SLC7A14: variants seen among roughly 807,000 people sequenced by gnomAD.
SLC7A14 encodes solute carrier family 7 member 14.
In SLC7A14, 37 loss-of-function variants were observed where a neutral mutation model predicts 60.2. The ratio of observed to expected loss-of-function variants is 0.61; its 90% CI spans 0.47 to 0.81. The LOEUF is 0.81. Ranked by LOEUF, SLC7A14 falls within the 30% of genes least tolerant of loss-of-function variation. The pLI is 0.00. For missense variants in SLC7A14, 886 were observed against 982.7 expected (o/e 0.90, Z 1.32); for synonymous variants, 399 against 395.8 (o/e 1.01, Z -0.10).
intron 1 of SLC7A14, among the ~76,000 whole-genome samples, chr3:170,533,343 T>C (rs993653226): frequency 6.6e-6 from 1 of 152,236 alleles, no homozygotes; most frequent in African/African-American, 2.4e-5. Flanking sequence ...TGAACTGTGA[T>C]GTGTGTCCCA....
Position 170,495,708 on chromosome 3 carries a change from C to T in SLC7A14, c.759+2959G>A, listed in dbSNP as rs909349636. 24 of 1,088,040 alleles carry T rather than the reference C, an allele frequency of 2.2e-5. No individual in the cohort carries two copies. In the Admixed American group the frequency reaches 4.1e-4, roughly 18 times the overall value. 67.4% of individuals were successfully genotyped at this position (1,088,040 alleles called of 1,614,324 possible). A position where few individuals can be genotyped will look rare whatever the true frequency, so the allele number is the denominator to read the frequency against. ...TCCCAATATCCAGGCCATGCACACCCAGGAGAAGGAGCAGATCAAGACCCT... is the reference window on the plus strand; with the variant it reads ...TCCCAATATCCAGGCCATGCACACCTAGGAGAAGGAGCAGATCAAGACCCT... On this transcript the variant is annotated intron_variant, in intron 4 of 7. Coordinates refer to ENST00000231706, the MANE Select transcript of SLC7A14 (RefSeq NM_020949.3).
chr3:170,576,640 C>T (rs1218354282), intron 1 of SLC7A14, among the ~76,000 whole-genome samples: 1 of 152,228 alleles, frequency 6.6e-6, no homozygotes, highest in Non-Finnish European at 1.5e-5. Flanking sequence ...AAAGTAAACG[C>T]TCTCTGTCTG....
rs547238802 is a variant in SLC7A14 at position 170,512,266 on chromosome 3, G to T, written c.305-10921C>A. 1.1e-4 allele frequency among the ~76,000 whole-genome samples: 17 copies of T among 152,310 alleles called. No homozygotes were observed. The East Asian group carries it at 3.1e-3, about 28-fold the overall frequency. On this transcript the variant is annotated intron_variant, in intron 2 of 7. Coordinates refer to ENST00000231706, the MANE Select transcript of SLC7A14 (RefSeq NM_020949.3). ...ACGTGGCCTCCCCAGCCCAGATGAGGAGCAGGTGAGATGGGGGTTCCACTG... is the reference window on the plus strand; with the variant it reads ...ACGTGGCCTCCCCAGCCCAGATGAGTAGCAGGTGAGATGGGGGTTCCACTG...
chr3:170,499,236 CAAAAAAAA>C (rs11336080), intron 3 of SLC7A14, among the ~76,000 whole-genome samples: 5 of 59,932 alleles, frequency 8.3e-5, no homozygotes, highest in African/African-American at 3.1e-4. Context: ...GACTCTGTCT[CAAAAAAAA>C]AAAAAAAAAA....
At chr3:170,562,469 A>G (rs1353076981) in intron 1 of SLC7A14, among the ~76,000 whole-genome samples, 1 of 141,566 alleles carries the variant, frequency 7.1e-6, no homozygotes, top group Non-Finnish European at 1.6e-5. Flanking sequence ...AAATGATTTC[A>G]TGGACTTTGG....
At chr3:170,548,752 C>G (rs1171106891) in intron 1 of SLC7A14, among the ~76,000 whole-genome samples, 1 of 152,252 alleles carries the variant, frequency 6.6e-6, no homozygotes, top group Non-Finnish European at 1.5e-5. Context: ...GCTGCTCTGA[C>G]TAACCCTTCA....
intron 1 of SLC7A14, among the ~76,000 whole-genome samples, chr3:170,545,821 T>C (rs1247980330): frequency 6.6e-6 from 1 of 152,242 alleles, no homozygotes; most frequent in Non-Finnish European, 1.5e-5. Context: ...CTTGGGAGAC[T>C]GTCACTTTTT....
chr3:170,563,566 C>T (rs1190177127), intron 1 of SLC7A14, among the ~76,000 whole-genome samples: 4 of 151,906 alleles, frequency 2.6e-5, no homozygotes, highest in African/African-American at 9.7e-5. Flanking sequence ...TACAGGCACC[C>T]ACCATCATGC....
rs1739633490 is a variant in SLC7A14, at chr3:170,462,760, A to G, written c.*4295T>C. On this transcript the variant is annotated 3_prime_UTR_variant, in exon 8 of 8. Coordinates refer to ENST00000231706, the MANE Select transcript of SLC7A14 (RefSeq NM_020949.3). ...AAAAAAAGTAGCACTCAAGCTCAGT[A>G]AAACCTGGAGCTGAGATTTTACTGT... 1.3e-5 allele frequency: 2 copies of G among 152,200 alleles called. No individual in the cohort carries two copies. Among genetic ancestry groups the G allele is most frequent in the African/African-American group, 4.8e-5 (2 of 41,536 alleles). The allele number at this position is 152,200 out of a possible 1,614,324, so 9.4% of individuals were successfully genotyped here.
intron 1 of SLC7A14, among the ~76,000 whole-genome samples, chr3:170,569,443 G>T (rs1714882157): frequency 6.6e-6 from 1 of 151,948 alleles, no homozygotes; most frequent in Non-Finnish European, 1.5e-5. Flanking sequence ...TGGCATCAGC[G>T]TTCATCAAGG....
In SLC7A14 at chr3:170,498,885, C is replaced by T. The variant is rs987028471; in HGVS notation, c.542-1G>A. On this transcript the variant is annotated splice_acceptor_variant, in intron 3 of 7. Transcript: ENST00000231706. LOFTEE classifies it high-confidence loss of function. ...TCTGGGTATGATTCTTCACCTTTCCCTAGAGAGGAAAGACATGATTTGACA... is the reference window on the plus strand; with the variant it reads ...TCTGGGTATGATTCTTCACCTTTCCTTAGAGAGGAAAGACATGATTTGACA... The T allele has an allele frequency of 4.3e-6, 7 of 1,613,808 alleles. No individual in the cohort carries two copies. Among genetic ancestry groups the T allele is most frequent in the African/African-American group, 1.3e-5 (1 of 74,860 alleles).
chr3:170,512,000 G>T (rs1409723204), intron 2 of SLC7A14, among the ~76,000 whole-genome samples: 6 of 152,190 alleles, frequency 3.9e-5, no homozygotes, highest in African/African-American at 1.2e-4. Flanking sequence ...AAGGCTTTGT[G>T]CAGAAAAGGA....
chr3:170,575,159 A>G (rs866658289), intron 1 of SLC7A14, among the ~76,000 whole-genome samples: 63 of 152,346 alleles, frequency 4.1e-4, no homozygotes, highest in African/African-American at 1.3e-3. Context: ...TGTTACAAAG[A>G]GGGCTGAAAC....
intron 2 of SLC7A14, among the ~76,000 whole-genome samples, chr3:170,512,654 A>ATTTTTTTTTTTTTT (rs71176570): frequency 3.2e-5 from 2 of 63,168 alleles, no homozygotes; most frequent in Non-Finnish European, 5.6e-5. Context: ...TACAATTTGC[A>ATTTTTTTTTTTTTT]TTTTTTTTTT....
At chr3:170,562,218 A>G (rs1193194476) in intron 1 of SLC7A14, among the ~76,000 whole-genome samples, 1 of 152,206 alleles carries the variant, frequency 6.6e-6, no homozygotes, top group Non-Finnish European at 1.5e-5. Context: ...CAGTTCGCCA[A>G]TTGCAAAAAT....
chr3:170,479,784 A>T (rs183338413), intron 7 of SLC7A14, among the ~76,000 whole-genome samples: 1 of 152,352 alleles, frequency 6.6e-6, no homozygotes, highest in East Asian at 1.9e-4. Flanking sequence ...CCATGATTCA[A>T]TTTTGTCAGA....
intron 6 of SLC7A14, 100 bp downstream of exon 6, chr3:170,483,214 G>T: frequency 1.5e-6 from 2 of 1,359,540 alleles, no homozygotes; most frequent in South Asian, 2.5e-5. Flanking sequence ...CCATGTGAAA[G>T]GCACTGATGT....
At chr3:170,563,412 TG>T (rs1280074296) in intron 1 of SLC7A14, among the ~76,000 whole-genome samples, 4 of 110,482 alleles carry the variant, frequency 3.6e-5, no homozygotes, top group Admixed American at 1.1e-4. Context: ...ACTGTTTGTT[TG>T]TTTGTTTTTT....
At chr3:170,498,163 C>G (rs1291966092) in intron 4 of SLC7A14, among the ~76,000 whole-genome samples, 2 of 152,218 alleles carry the variant, frequency 1.3e-5, no homozygotes, top group African/African-American at 4.8e-5. Context: ...CTTGATCTCT[C>G]TTAGTAGATT....
Sources: allele counts gnomAD v4.1 joint callset (sites outside exome capture counted in the v4.1 genomes callset), GRCh38; gene constraint gnomAD v4.1.1; transcripts MANE v1.5; gene names NCBI Gene and HGNC (gene_info 2026-07-23, HGNC 2026-07-21).